The following EYS variants were observed in gnomAD, a reference collection of about 807,000 sequenced individuals.
EYS encodes EGF-like photoreceptor maintenance factor, also known as protein eyes shut homolog.
EYS carries 250 observed loss-of-function variants against 282.1 expected under a neutral mutation model. That is an observed-to-expected ratio of 0.89 (90% CI 0.80 to 0.98). The LOEUF is 0.98. Ranked by LOEUF, EYS falls within the 50% of genes least tolerant of loss-of-function variation. EYS has a pLI of 0.00. For synonymous variants in EYS, 1,355 were observed against 1,282.9 expected (o/e 1.06, Z -1.20); for missense variants, 4,016 against 3,709.0 (o/e 1.08, Z -2.15).
rs191838294 is a variant in EYS at position 64,547,377 on chromosome 6, G to A, written c.5644+42846C>T. 5.9e-3 allele frequency among the ~76,000 whole-genome samples: 899 copies of A among 152,218 alleles called. 4 individuals are homozygous for A. Among genetic ancestry groups the A allele is most frequent in the African/African-American group, 0.02 (818 of 41,552 alleles). ...GTCCGTTTTGACAGGGTGCTGACTGGTGCGTTTGCAATCCCTGAGCTAGAC... is the reference window on the plus strand; with the variant it reads ...GTCCGTTTTGACAGGGTGCTGACTGATGCGTTTGCAATCCCTGAGCTAGAC... On this transcript the variant is annotated intron_variant, in intron 26 of 42. Transcript: ENST00000503581.
At chr6:65,328,547 A>G (rs1199805524) in intron 11 of EYS, among the ~76,000 whole-genome samples, 2 of 151,212 alleles carry the variant, frequency 1.3e-5, no homozygotes, top group Non-Finnish European at 3.0e-5. Context: ...GAAAATATGT[A>G]AATCTAAAGA....
chr6:64,913,007 G>T lies in EYS; in HGVS notation c.2382-264C>A, dbSNP rs1017504119. On this transcript the variant is annotated intron_variant, in intron 15 of 42. Transcript: ENST00000503581. Reference sequence around the variant, plus strand: ...TAACATAGTTAGGCCTCTGAGACATGTCAGAGAACAACTATTGACCTAAAT... The same window carrying T: ...TAACATAGTTAGGCCTCTGAGACATTTCAGAGAACAACTATTGACCTAAAT... Among the ~76,000 whole-genome samples the T allele has an allele frequency of 2.0e-5, 3 of 152,096 alleles. No individual in the cohort carries two copies. The East Asian group carries it at 5.8e-4, about 29-fold the overall frequency.
intron 15 of EYS, among the ~76,000 whole-genome samples, chr6:64,916,232 GT>G: frequency 6.6e-6 from 1 of 152,208 alleles, no homozygotes; most frequent in African/African-American, 2.4e-5. Flanking sequence ...TTTCAACTTG[GT>G]TAATTTAAAA....
chr6:64,474,308 A>G lies in EYS; in HGVS notation c.5645-34956T>C, dbSNP rs570134036. ...TCTTCAATGATATTTTCCTATTATT[A>G]AAGTATAATGAAATTACACATATGT... On this transcript the variant is annotated intron_variant, in intron 26 of 42. Transcript: ENST00000503581. 3.2e-4 allele frequency among the ~76,000 whole-genome samples: 49 copies of G among 152,324 alleles called. No homozygotes were observed. In the South Asian group the frequency reaches 0.01, roughly 32 times the overall value.
intron 31 of EYS, among the ~76,000 whole-genome samples, chr6:64,091,589 C>T (rs1462999303): frequency 1.3e-5 from 2 of 152,152 alleles, no homozygotes; most frequent in African/African-American, 2.4e-5. Context: ...TGACCCAGGC[C>T]TCTACGTTGA....
At chr6:65,407,008 T>G (rs1456782919) in intron 5 of EYS, among the ~76,000 whole-genome samples, 3 of 152,128 alleles carry the variant, frequency 2.0e-5, no homozygotes, top group Admixed American at 6.6e-5. Context: ...AGAAGCCTGC[T>G]GGAATATTAT....
chr6:64,202,740 A>G (rs1481792030), intron 31 of EYS, among the ~76,000 whole-genome samples: 1 of 152,190 alleles, frequency 6.6e-6, no homozygotes, highest in East Asian at 1.9e-4. Context: ...TAAGTCCAAT[A>G]AGTATCCTTT....
intron 1 of EYS, among the ~76,000 whole-genome samples, chr6:65,704,937 G>A (rs1319624520): frequency 6.6e-6 from 1 of 152,070 alleles, no homozygotes; most frequent in Non-Finnish European, 1.5e-5. Flanking sequence ...ATTTTCCAGG[G>A]TTATCTTCTG....
intron 14 of EYS, among the ~76,000 whole-genome samples, chr6:64,954,009 CAA>C (rs11297168): frequency 3.2e-4 from 49 of 151,110 alleles, no homozygotes; most frequent in Non-Finnish European, 5.9e-4. Flanking sequence ...TCATTAGTAA[CAA>C]AAAAAAAAGC....
chr6:64,871,238 T>C (rs1766587293), intron 19 of EYS, among the ~76,000 whole-genome samples: 1 of 151,848 alleles, frequency 6.6e-6, no homozygotes, highest in African/African-American at 2.4e-5. Flanking sequence ...TAATATTCAA[T>C]GTTCCCATTA....
At chr6:65,610,958 T>C (rs1765977353) in intron 2 of EYS, among the ~76,000 whole-genome samples, 1 of 152,090 alleles carries the variant, frequency 6.6e-6, no homozygotes, top group Non-Finnish European at 1.5e-5. Flanking sequence ...ACTGGAATCA[T>C]TGAACTGAAT....
At chr6:65,289,047 G>C (rs1768449537) in intron 12 of EYS, among the ~76,000 whole-genome samples, 1 of 150,810 alleles carries the variant, frequency 6.6e-6, no homozygotes, top group Non-Finnish European at 1.5e-5. Flanking sequence ...AAAACAAATA[G>C]TGTTGGCATA....
At chr6:64,994,663 G>C (rs1771185805) in intron 14 of EYS, among the ~76,000 whole-genome samples, 2 of 151,798 alleles carry the variant, frequency 1.3e-5, no homozygotes, top group Admixed American at 6.6e-5. Context: ...TTACCAATGA[G>C]TTAGTAAAAG....
intron 24 of EYS, among the ~76,000 whole-genome samples, chr6:64,614,994 G>T (rs540773724): frequency 1.3e-5 from 2 of 152,214 alleles, no homozygotes; most frequent in Admixed American, 1.3e-4. Flanking sequence ...AGAGTTGACA[G>T]AGAAATGAGC....
At chr6:64,150,765 G>A (rs1219626092) in intron 31 of EYS, among the ~76,000 whole-genome samples, 3 of 152,290 alleles carry the variant, frequency 2.0e-5, no homozygotes, top group East Asian at 3.9e-4. Flanking sequence ...GGAGGCCAAG[G>A]AAGGAGAATT....
intron 30 of EYS, among the ~76,000 whole-genome samples, chr6:64,267,427 T>G (rs1021226361): frequency 6.6e-6 from 1 of 152,104 alleles, no homozygotes; most frequent in Non-Finnish European, 1.5e-5. Flanking sequence ...GTGTTCTGTC[T>G]GCTGTGGGCA....
At chr6:64,349,195 T>C (rs1328305781) in intron 29 of EYS, among the ~76,000 whole-genome samples, 1 of 151,382 alleles carries the variant, frequency 6.6e-6, no homozygotes, top group Non-Finnish European at 1.5e-5. Context: ...AAGCAATGTA[T>C]AATATTACTA....
intron 22 of EYS, among the ~76,000 whole-genome samples, chr6:64,725,225 C>T (rs1445910308): frequency 3.3e-5 from 5 of 151,962 alleles, no homozygotes; most frequent in African/African-American, 1.2e-4. Context: ...GACAATAAGT[C>T]CAGTAAGTCC....
chr6:65,591,757 G>A (rs1034488310), intron 2 of EYS, among the ~76,000 whole-genome samples: 5 of 151,904 alleles, frequency 3.3e-5, no homozygotes, highest in East Asian at 1.9e-4. Flanking sequence ...ATGCCTTTGC[G>A]TTGGAAAACC....
Sources: allele counts gnomAD v4.1 joint callset (sites outside exome capture counted in the v4.1 genomes callset), GRCh38; gene constraint gnomAD v4.1.1; transcripts MANE v1.5; gene names NCBI Gene and HGNC (gene_info 2026-07-23, HGNC 2026-07-21).